FBXL20: variants seen among roughly 807,000 people sequenced by gnomAD.
The protein encoded by FBXL20 is F-box/LRR-repeat protein 20.
In FBXL20, 11 loss-of-function variants were observed where a neutral mutation model predicts 64.0. That is an observed-to-expected ratio of 0.17 (90% CI 0.11 to 0.28). The LOEUF (loss-of-function observed/expected upper bound fraction) is 0.28, where lower values mean the gene tolerates loss of function less well. Ranked by LOEUF, FBXL20 falls within the 10% of genes least tolerant of loss-of-function variation. FBXL20 has a pLI of 1.00. For missense variants in FBXL20, 303 were observed against 526.2 expected (o/e 0.58, Z 4.15); for synonymous variants, 184 against 189.0 (o/e 0.97, Z 0.22).
chr17:39,317,710 T>G (rs1210714059), intron 2 of FBXL20, among the ~76,000 whole-genome samples: 6 of 130,750 alleles, frequency 4.6e-5, no homozygotes, highest in South Asian at 4.8e-4. Context: ...TGTTTTTTTT[T>G]TTTTTTTTTG....
chr17:39,329,416 G>A (rs2047439566), intron 2 of FBXL20, among the ~76,000 whole-genome samples: 1 of 152,116 alleles, frequency 6.6e-6, no homozygotes, highest in Non-Finnish European at 1.5e-5. Flanking sequence ...TGTAATCTGA[G>A]ATACTGGCTG....
At chr17:39,298,426 A>T (rs2047105706) in intron 5 of FBXL20, among the ~76,000 whole-genome samples, 1 of 152,162 alleles carries the variant, frequency 6.6e-6, no homozygotes, top group Admixed American at 6.6e-5. Flanking sequence ...CATAACCCTA[A>T]AAAAGAACTA....
At chr17:39,398,051 G>T (rs938550005) in intron 1 of FBXL20, among the ~76,000 whole-genome samples, 5 of 89,590 alleles carry the variant, frequency 5.6e-5, no homozygotes, top group South Asian at 6.3e-4. Context: ...GGGGGGGGGG[G>T]GGGGGTTGGA....
intron 9 of FBXL20, among the ~76,000 whole-genome samples, chr17:39,280,173 T>G (rs1162456947): frequency 6.7e-6 from 1 of 148,562 alleles, no homozygotes; most frequent in African/African-American, 2.5e-5. Context: ...GAGGCGGAGG[T>G]TGCAGTGAGC....
intron 2 of FBXL20, among the ~76,000 whole-genome samples, chr17:39,337,548 C>T (rs1485099996): frequency 6.6e-6 from 1 of 150,666 alleles, no homozygotes; most frequent in East Asian, 2.0e-4. Flanking sequence ...GGGAGCGCCT[C>T]TGCCCCGCCG....
At chr17:39,372,183 G>T (rs2047924378) in intron 1 of FBXL20, among the ~76,000 whole-genome samples, 10 of 151,918 alleles carry the variant, frequency 6.6e-5, no homozygotes, top group Admixed American at 6.6e-4. Context: ...GTTTTTAGGT[G>T]ATTTTCAAAA....
At chr17:39,309,740 C>A (rs543328505) in intron 2 of FBXL20, among the ~76,000 whole-genome samples, 7 of 145,456 alleles carry the variant, frequency 4.8e-5, no homozygotes, top group Non-Finnish European at 7.4e-5. Context: ...TGCAGTGAGC[C>A]GAGATCATGC....
chr17:39,401,810 G>T (rs762132420), upstream of FBXL20: 5 of 741,092 alleles, frequency 6.7e-6, no homozygotes, highest in South Asian at 1.9e-4. Flanking sequence ...CGGCGCTCCC[G>T]GGAGCAGCCG....
At chr17:39,337,138 G>A (rs1337587100) in intron 2 of FBXL20, among the ~76,000 whole-genome samples, 8 of 152,096 alleles carry the variant, frequency 5.3e-5, no homozygotes, top group Non-Finnish European at 7.4e-5. Context: ...GGCGCGCGCC[G>A]CCACGCCTGA....
At chr17:39,351,107 G>A (rs2047683188) in intron 1 of FBXL20, among the ~76,000 whole-genome samples, 1 of 152,056 alleles carries the variant, frequency 6.6e-6, no homozygotes, top group African/African-American at 2.4e-5. Flanking sequence ...GGCTGAGGTG[G>A]GCGGATCACA....
chr17:39,291,354 T>G (rs72825103), intron 6 of FBXL20, among the ~76,000 whole-genome samples: 15,221 of 151,034 alleles, frequency 0.1, 832 homozygotes, highest in African/African-American at 0.14. Context: ...TTTTGGTAGG[T>G]AGGGAGGGAG....
At chr17:39,385,509 T>C (rs754799713) in intron 1 of FBXL20, among the ~76,000 whole-genome samples, 4 of 152,330 alleles carry the variant, frequency 2.6e-5, no homozygotes, top group Non-Finnish European at 5.9e-5. Context: ...CACAGGCCTA[T>C]TCCTATAACT....
At chr17:39,284,399 G>A (rs966591936) in intron 7 of FBXL20, among the ~76,000 whole-genome samples, 3 of 152,044 alleles carry the variant, frequency 2.0e-5, no homozygotes, top group African/African-American at 7.2e-5. Flanking sequence ...TTTTTTTCTT[G>A]AGATGAGGTC....
At chr17:39,329,578 G>C (rs1567882335) in intron 2 of FBXL20, among the ~76,000 whole-genome samples, 1 of 151,982 alleles carries the variant, frequency 6.6e-6, no homozygotes, top group African/African-American at 2.4e-5. Flanking sequence ...GTGGTGTTTT[G>C]TATCTATCTA....
chr17:39,303,577 ATACT>A lies in FBXL20; in HGVS notation c.159+4_159+7del. ...GGGTCCCCCTGTAACTATGCCAACA[ATACT>A]TACCCTGGAGACCTGAGCACAGCGG... On this transcript the variant is annotated splice_donor_5th_base_variant and intron_variant, in intron 3 of 14. Coordinates refer to ENST00000264658, the MANE Select transcript of FBXL20 (RefSeq NM_032875.3). 1 of 1,608,748 alleles carries A rather than the reference ATACT, an allele frequency of 6.2e-7. No individual in the cohort carries two copies. Among genetic ancestry groups the A allele is most frequent in the Non-Finnish European group, 8.5e-7 (1 of 1,177,462 alleles).
chr17:39,322,061 GCC>G (rs1180365558), intron 2 of FBXL20, among the ~76,000 whole-genome samples: 2 of 150,798 alleles, frequency 1.3e-5, no homozygotes, highest in Non-Finnish European at 2.9e-5. Context: ...AAATGCCTAG[GCC>G]GAGCATGGTG....
chr17:39,351,228 C>T (rs1241803963), intron 1 of FBXL20, among the ~76,000 whole-genome samples: 8 of 150,456 alleles, frequency 5.3e-5, no homozygotes, highest in South Asian at 2.1e-4. Context: ...CCCAGCTACT[C>T]GGGAGGCTGA....
chr17:39,400,929 G>A (rs944578992), intron 1 of FBXL20, among the ~76,000 whole-genome samples: 1 of 152,160 alleles, frequency 6.6e-6, no homozygotes, highest in African/African-American at 2.4e-5. Context: ...TCTCAAACTC[G>A]GAGAAATGGT....
At chr17:39,342,839 G>A (rs1157690181) in intron 2 of FBXL20, among the ~76,000 whole-genome samples, 1 of 152,244 alleles carries the variant, frequency 6.6e-6, no homozygotes, top group Non-Finnish European at 1.5e-5. Flanking sequence ...CCGTGATTGC[G>A]CCACTGCACT....
Sources: gnomAD v4.1 joint callset for allele counts (sites outside exome capture counted in the v4.1 genomes callset) on GRCh38, gnomAD v4.1.1 for gene constraint, MANE v1.5 for transcripts, NCBI Gene and HGNC (gene_info 2026-07-23, HGNC 2026-07-21) for gene names.